Variants in ZBTB8B observed in about 807,000 individuals in gnomAD.
The protein encoded by ZBTB8B is zinc finger and BTB domain-containing protein 8B.
Under a neutral mutation model 30.3 loss-of-function variants are expected in ZBTB8B, and 17 were observed. The ratio of observed to expected loss-of-function variants is 0.56; its 90% CI spans 0.38 to 0.84. The LOEUF (loss-of-function observed/expected upper bound fraction) is 0.84, where lower values mean the gene tolerates loss of function less well. ZBTB8B is among the 40% of genes least tolerant of loss of function. The probability of loss-of-function intolerance (pLI) is 0.00; values close to 1 mark genes in which losing one functional copy is unlikely to be tolerated. For synonymous variants in ZBTB8B, 248 were observed against 255.6 expected (o/e 0.97, Z 0.28); for missense variants, 515 against 644.9 (o/e 0.80, Z 2.18).
Position 32,465,362 on chromosome 1 carries a change from T to TCGCG in ZBTB8B, c.-42+258_-42+261dup, listed in dbSNP as rs1261647183. ...GTCCTCCGCGTCGTCCAGCCGGGGG[T>TCGCG]CGCGGCGCCGACTACTTCCACGGTG... On this transcript the variant is annotated intron_variant, in intron 1 of 3. Transcript: ENST00000609129. This position sits in a 1 kb window ranked among gnomAD's most constrained non-coding sequence, Gnocchi z 4.1. Among the ~76,000 whole-genome samples, 1 of 151,782 alleles carries TCGCG rather than the reference T, an allele frequency of 6.6e-6. No individual in the cohort carries two copies. Among genetic ancestry groups the TCGCG allele is most frequent in the East Asian group, 1.9e-4 (1 of 5,148 alleles).
chr1:32,470,580 G>C lies in ZBTB8B; in HGVS notation c.-41-4G>C. On this transcript the variant is annotated splice_polypyrimidine_tract_variant and splice_region_variant and intron_variant, in intron 1 of 3. Coordinates refer to ENST00000609129, the MANE Select transcript of ZBTB8B (RefSeq NM_001145720.2). Reference sequence around the variant, plus strand: ...GTGAATTAACTTAAGAAAAATCTTGGCAGAGATACAGGTTTGCTCTGGAGC... The same window carrying C: ...GTGAATTAACTTAAGAAAAATCTTGCCAGAGATACAGGTTTGCTCTGGAGC... 6.7e-7 allele frequency: 1 copy of C among 1,488,584 alleles called. No individual in the cohort carries two copies. Among genetic ancestry groups the C allele is most frequent in the South Asian group, 1.3e-5 (1 of 75,930 alleles). 92.2% of individuals were successfully genotyped at this position (1,488,584 alleles called of 1,614,324 possible). A position where few individuals can be genotyped will look rare whatever the true frequency, so the allele number is the denominator to read the frequency against.
At chr1:32,475,277 A>G (rs184197126) in intron 2 of ZBTB8B, among the ~76,000 whole-genome samples, 1 of 152,328 alleles carries the variant, frequency 6.6e-6, no homozygotes, top group Admixed American at 6.5e-5. Flanking sequence ...ATAGTGTTGT[A>G]TAGGAGATAA....
At chr1:32,471,694 G>T in intron 2 of ZBTB8B, 79 bp downstream of exon 2, 1 of 1,429,986 alleles carries the variant, frequency 7.0e-7, no homozygotes, top group South Asian at 1.4e-5. Flanking sequence ...CCATCATCAT[G>T]ATCATTATCA....
chr1:32,483,508 C>T (rs1006935181), intron 3 of ZBTB8B, among the ~76,000 whole-genome samples: 2 of 151,856 alleles, frequency 1.3e-5, no homozygotes, highest in African/African-American at 4.8e-5. Context: ...AGCTGTCTAC[C>T]CTAGCAAATC....
At chr1:32,466,728 A>G (rs907428410) in intron 1 of ZBTB8B, among the ~76,000 whole-genome samples, 1 of 152,150 alleles carries the variant, frequency 6.6e-6, no homozygotes, top group Non-Finnish European at 1.5e-5. Flanking sequence ...TTTAGGTGCT[A>G]TTTCTGGAAA....
chr1:32,483,008 C>A (rs1643717293), intron 3 of ZBTB8B, among the ~76,000 whole-genome samples: 1 of 151,850 alleles, frequency 6.6e-6, no homozygotes, highest in South Asian at 2.1e-4. Context: ...CTGCCTCTTG[C>A]TTGCACCCAG....
intron 2 of ZBTB8B, among the ~76,000 whole-genome samples, chr1:32,476,394 C>T (rs892862675): frequency 6.6e-6 from 1 of 152,056 alleles, no homozygotes; most frequent in Non-Finnish European, 1.5e-5. Context: ...ACTGAACTCC[C>T]CTTTCCTCAT....
At chr1:32,475,264 C>T (rs149323031) in intron 2 of ZBTB8B, among the ~76,000 whole-genome samples, 61 of 152,286 alleles carry the variant, frequency 4.0e-4, no homozygotes, top group African/African-American at 1.5e-3. Context: ...CCTCAAAGAA[C>T]TGATAGTGTT....
chr1:32,475,999 G>A (rs1038590425), intron 2 of ZBTB8B, among the ~76,000 whole-genome samples: 1 of 151,666 alleles, frequency 6.6e-6, no homozygotes, highest in Non-Finnish European at 1.5e-5. Flanking sequence ...TGTATTTTTC[G>A]TAGCAACAGG....
At chr1:32,475,029 G>A (rs1454495875) in intron 2 of ZBTB8B, among the ~76,000 whole-genome samples, 2 of 152,242 alleles carry the variant, frequency 1.3e-5, no homozygotes, top group East Asian at 1.9e-4. Flanking sequence ...GAAAGTCAGA[G>A]TTCTTGCTAT....
At chr1:32,475,645 G>T (rs1231687262) in intron 2 of ZBTB8B, among the ~76,000 whole-genome samples, 1 of 151,990 alleles carries the variant, frequency 6.6e-6, no homozygotes, top group Non-Finnish European at 1.5e-5. Flanking sequence ...AAAGGTACTA[G>T]GGTTGAAAGA....
intron 1 of ZBTB8B, among the ~76,000 whole-genome samples, chr1:32,469,827 T>A (rs1357143702): frequency 6.6e-6 from 1 of 152,232 alleles, no homozygotes; most frequent in Admixed American, 6.5e-5. Context: ...ATAGTTATTT[T>A]TTTCCATAAA....
At position 32,487,031 on chromosome 1, in the gene ZBTB8B, A is replaced by T. The variant is rs151176201; in HGVS notation, c.*1613A>T. 2 of 152,376 alleles carry T rather than the reference A, an allele frequency of 1.3e-5. No homozygotes were observed. The highest frequency in any genetic ancestry group is 4.8e-5 in the African/African-American group (2 of 41,594). The allele number at this position is 152,376 out of a possible 1,614,324, so 9.4% of individuals were successfully genotyped here. A position where few individuals can be genotyped will look rare whatever the true frequency, so the allele number is the denominator to read the frequency against. The stretch of plus-strand genomic sequence containing the variant: ...CGGAATGTAATTGAAGGCAATTTCC[A>T]TAATTTTGTCTTATGTTAAAATATC... On this transcript the variant is annotated 3_prime_UTR_variant, in exon 4 of 4. Transcript: ENST00000609129.
rs954002449 is a variant in ZBTB8B, at chr1:32,488,572, G to C, written c.*3154G>C. 6.6e-6 allele frequency: 1 copy of C among 152,098 alleles called. No homozygotes were observed. The highest frequency in any genetic ancestry group is 1.5e-5 in the Non-Finnish European group (1 of 68,028). 9.4% of individuals were successfully genotyped at this position (152,098 alleles called of 1,614,324 possible). A position where few individuals can be genotyped will look rare whatever the true frequency, so the allele number is the denominator to read the frequency against. On this transcript the variant is annotated 3_prime_UTR_variant, in exon 4 of 4. Coordinates refer to ENST00000609129, the MANE Select transcript of ZBTB8B (RefSeq NM_001145720.2). ...GCAGGTGGCTACTGGCATCTAGTGG[G>C]TAGAGGCCAGGGAAGCTGCCAAACA...
chr1:32,471,001 G>T lies in ZBTB8B; in HGVS notation c.377G>T (p.Arg126Leu). 1 of 1,552,196 alleles carries T rather than the reference G, an allele frequency of 6.4e-7. No homozygotes were observed. Among genetic ancestry groups the T allele is most frequent in the East Asian group, 2.4e-5 (1 of 40,928 alleles). ...TYIRSSLDICRKMEKEAAVAA... is the reference protein window; with the variant it reads ...TYIRSSLDICLKMEKEAAVAA... ...ATTAGGTCATCCCTCGACATTTGCC[G>T]AAAGATGGAGAAGGAGGCTGCTGTG... The change falls in exon 2 of 4, where the codon CGA becomes CTA. Residue 126 changes from arginine to leucine, a missense_variant. By Grantham distance (102) the Arg-to-Leu change is moderately radical (BLOSUM62 -2). This residue lies in a region of ZBTB8B where 429 missense variants were observed against 504.3 expected (regional missense o/e 0.85). Transcript: ENST00000609129.
intron 1 of ZBTB8B, among the ~76,000 whole-genome samples, chr1:32,466,347 T>C (rs1455453339): frequency 6.6e-6 from 1 of 152,196 alleles, no homozygotes; most frequent in African/African-American, 2.4e-5. Flanking sequence ...GGTTCATTTT[T>C]CTATTCCTGG....
At chr1:32,466,968 C>T (rs573810615) in intron 1 of ZBTB8B, among the ~76,000 whole-genome samples, 1 of 152,180 alleles carries the variant, frequency 6.6e-6, no homozygotes, top group South Asian at 2.1e-4. Context: ...GCCAGGGCAA[C>T]ATAGTGAGAC....
rs538053577 is a variant in ZBTB8B, at chr1:32,466,265, G to A, written c.-42+1160G>A. Reference sequence around the variant, plus strand: ...GTGATCTGGCTAGGACTCCCTCAAGGGTATATGAGAGTTTGTATTGCAGGT... The same window carrying A: ...GTGATCTGGCTAGGACTCCCTCAAGAGTATATGAGAGTTTGTATTGCAGGT... On this transcript the variant is annotated intron_variant, in intron 1 of 3. Transcript: ENST00000609129. 2.6e-5 allele frequency among the ~76,000 whole-genome samples: 4 copies of A among 152,184 alleles called. No individual in the cohort carries two copies. In the South Asian group the frequency reaches 6.2e-4, roughly 24 times the overall value.
In ZBTB8B at chr1:32,471,602, T is replaced by C. The variant is rs754048608; in HGVS notation, c.978T>C (p.Tyr326=). Residue 326 remains tyrosine (Y), a synonymous_variant, in exon 2 of 4, where the codon TAT becomes TAC. Transcript: ENST00000609129. Reference sequence around the variant, plus strand: ...TGATGGATGTCCAGGCTGACTGGTATGGAGAGGACTCAGGTGAGCTCCCTT... The same window carrying C: ...TGATGGATGTCCAGGCTGACTGGTACGGAGAGGACTCAGGTGAGCTCCCTT... ...SSMMDVQADW[Y]GEDSGDVLVV... is the part of the protein sequence containing the mutation. 12 of 1,550,366 alleles carry C rather than the reference T, an allele frequency of 7.7e-6. No homozygotes were observed. Among genetic ancestry groups the C allele is most frequent in the African/African-American group, 4.1e-5 (3 of 73,030 alleles).
Sources: gnomAD v4.1 joint callset for allele counts (sites outside exome capture counted in the v4.1 genomes callset) on GRCh38, gnomAD v4.1.1 for gene constraint, gnomAD v4.1.1 regional missense constraint, Gnocchi (gnomAD v3.1) non-coding constraint, MANE v1.5 for transcripts, NCBI Gene and HGNC (gene_info 2026-07-23, HGNC 2026-07-21) for gene names.